NEDD4L: variants seen among roughly 807,000 people sequenced by gnomAD.
NEDD4L encodes the protein E3 ubiquitin-protein ligase NEDD4-like.
A neutral mutation model predicts 148.9 loss-of-function variants in NEDD4L; 54 were observed. The ratio of observed to expected loss-of-function variants is 0.36; its 90% CI spans 0.29 to 0.45. NEDD4L has a LOEUF of 0.45. Among genes scored for constraint, NEDD4L ranks in the 20% least tolerant of loss-of-function variants. The pLI is 1.00. For missense variants in NEDD4L, 856 were observed against 1,233.8 expected, an observed-to-expected ratio of 0.69 and a Z score of 4.59; for synonymous variants, 433 against 440.7, an observed-to-expected ratio of 0.98 and a Z score of 0.22.
intron 2 of NEDD4L, among the ~76,000 whole-genome samples, chr18:58,244,183 G>C (rs1568463364): frequency 6.6e-6 from 1 of 152,154 alleles, no homozygotes; most frequent in Non-Finnish European, 1.5e-5. Context: ...AGGGTTAATA[G>C]TCATAGTATA....
rs572876476 is a variant in NEDD4L at position 58,076,245 on chromosome 18, A to G, written c.48+31537A>G. ...TTAAGCCAGACTGTAGCAGGATGTT[A>G]GTAATTTGAGTTGCATAAACTAATC... On this transcript the variant is annotated intron_variant, in intron 1 of 30. Coordinates refer to ENST00000400345, the MANE Select transcript of NEDD4L (RefSeq NM_001144967.3). 2.9e-4 allele frequency among the ~76,000 whole-genome samples: 44 copies of G among 152,316 alleles called. 1 individual carries two copies. The South Asian group carries it at 9.1e-3, about 32-fold the overall frequency.
chr18:58,310,946 T>C (rs1476666875), intron 5 of NEDD4L, among the ~76,000 whole-genome samples: 1 of 152,222 alleles, frequency 6.6e-6, no homozygotes, highest in Non-Finnish European at 1.5e-5. Context: ...GCTTACATTC[T>C]ATTATTGTCT....
At chr18:58,352,229 ATAAAG>A in intron 18 of NEDD4L, among the ~76,000 whole-genome samples, 1 of 152,368 alleles carries the variant, frequency 6.6e-6, no homozygotes, top group African/African-American at 2.4e-5. Context: ...CATAGTAAGC[ATAAAG>A]TATTTTTCCT....
chr18:58,233,798 T>A (rs910997245), intron 2 of NEDD4L, among the ~76,000 whole-genome samples: 1 of 152,324 alleles, frequency 6.6e-6, no homozygotes, highest in Admixed American at 6.5e-5. Context: ...AGTCTGAAAT[T>A]AAGAGTCAGC....
chr18:58,247,712 G>A (rs1301325499), intron 3 of NEDD4L: 1 of 152,548 alleles, frequency 6.6e-6, no homozygotes, highest in Non-Finnish European at 1.5e-5. Flanking sequence ...CGTTCGTTTT[G>A]TGCTCTCCTG....
intron 8 of NEDD4L, among the ~76,000 whole-genome samples, chr18:58,323,710 A>C (rs915523963): frequency 7.9e-5 from 12 of 152,158 alleles, no homozygotes; most frequent in African/African-American, 2.9e-4. Flanking sequence ...GAATTTAGAA[A>C]ATCACTTTTT....
chr18:58,250,601 C>T (rs1189022939), intron 4 of NEDD4L, among the ~76,000 whole-genome samples: 2 of 152,136 alleles, frequency 1.3e-5, no homozygotes, highest in South Asian at 2.1e-4. Context: ...AGGCAGACCA[C>T]GGACCAGAAG....
At position 58,246,541 on chromosome 18, in the gene NEDD4L, C is replaced by T. The variant is rs138324563; in HGVS notation, c.204+1033C>T. On this transcript the variant is annotated intron_variant, in intron 3 of 30. Coordinates refer to ENST00000400345, the MANE Select transcript of NEDD4L (RefSeq NM_001144967.3). ...GTGCAGTGGCATAATCTCAGCTCAC[C>T]GCAACCTTTGCCTCCTGGGTTCAAG... is the stretch of plus-strand genomic sequence containing the variant. Among the ~76,000 whole-genome samples the T allele has an allele frequency of 3.9e-3, 589 of 152,150 alleles. 2 individuals carry two copies. The highest frequency in any genetic ancestry group is 0.012 in the African/African-American group (507 of 41,518).
chr18:58,091,506 G>T (rs1056517268), intron 1 of NEDD4L: 2 of 152,294 alleles, frequency 1.3e-5, no homozygotes, highest in African/African-American at 4.8e-5. Flanking sequence ...AGTGGCTGCT[G>T]GCAGAATGGT....
chr18:58,115,323 C>T (rs565440423), intron 1 of NEDD4L, among the ~76,000 whole-genome samples: 1 of 149,614 alleles, frequency 6.7e-6, no homozygotes, highest in African/African-American at 2.5e-5. Flanking sequence ...TCTGGGAATC[C>T]ATTGTAGTAA....
chr18:58,365,573 G>A (rs559500321), intron 20 of NEDD4L, among the ~76,000 whole-genome samples: 83 of 152,292 alleles, frequency 5.5e-4, no homozygotes, highest in African/African-American at 1.8e-3. Flanking sequence ...ACCACCTGGC[G>A]GCCCTGCCAC....
intron 1 of NEDD4L, among the ~76,000 whole-genome samples, chr18:58,051,847 T>C (rs1402156095): frequency 1.3e-5 from 2 of 152,186 alleles, no homozygotes; most frequent in African/African-American, 4.8e-5. Flanking sequence ...GTAATAAGTA[T>C]CAGGGCAGGA....
chr18:58,268,415 C>T (rs1041135253), intron 5 of NEDD4L, among the ~76,000 whole-genome samples: 14 of 152,058 alleles, frequency 9.2e-5, no homozygotes, highest in African/African-American at 3.4e-4. Flanking sequence ...GGCCTCCCAT[C>T]AGTGCAGTTT....
chr18:58,321,381 A>G (rs2058756578), intron 6 of NEDD4L, among the ~76,000 whole-genome samples: 1 of 152,212 alleles, frequency 6.6e-6, no homozygotes, highest in Non-Finnish European at 1.5e-5. Flanking sequence ...CATGGGCCCT[A>G]CTGCAGTACA....
At chr18:58,049,877 T>TGG (rs1167675128) in intron 1 of NEDD4L, among the ~76,000 whole-genome samples, 2 of 147,564 alleles carry the variant, frequency 1.4e-5, no homozygotes, top group African/African-American at 5.0e-5. Flanking sequence ...CTTGGGAGGC[T>TGG]GAGGTGGAAG....
At chr18:58,211,786 A>G (rs894672771) in intron 2 of NEDD4L, among the ~76,000 whole-genome samples, 3 of 152,262 alleles carry the variant, frequency 2.0e-5, no homozygotes, top group African/African-American at 7.2e-5. Context: ...TTGATCCAGA[A>G]TTACATAAAT....
At chr18:58,204,908 T>C (rs2041818163) in intron 2 of NEDD4L, among the ~76,000 whole-genome samples, 1 of 152,036 alleles carries the variant, frequency 6.6e-6, no homozygotes, top group Non-Finnish European at 1.5e-5. Flanking sequence ...CAGAGTATGA[T>C]GAAGAAAGGG....
rs549552098 is a variant in NEDD4L at position 58,251,853 on chromosome 18, A to G, written c.244-148A>G. On this transcript the variant is annotated intron_variant, in intron 4 of 30. Transcript: ENST00000400345. ...TAATAGGAAATTTGATTTAGTACACATAGAATTCCCAGAACAGCAGGATAA... is the reference window on the plus strand; with the variant it reads ...TAATAGGAAATTTGATTTAGTACACGTAGAATTCCCAGAACAGCAGGATAA... 178 of 599,962 alleles carry G rather than the reference A, an allele frequency of 3.0e-4. 1 individual carries two copies. The highest frequency in any genetic ancestry group is 5.8e-4 in the South Asian group (26 of 45,154). 37.2% of individuals were successfully genotyped at this position (599,962 alleles called of 1,614,324 possible). A position where few individuals can be genotyped will look rare whatever the true frequency, so the allele number is the denominator to read the frequency against.
chr18:58,201,090 T>C (rs1021536378), intron 2 of NEDD4L, among the ~76,000 whole-genome samples: 1 of 152,244 alleles, frequency 6.6e-6, no homozygotes, highest in East Asian at 1.9e-4. Flanking sequence ...CCCAGCACTT[T>C]GGGAGGCCAA....
Sources: gnomAD v4.1 joint callset for allele counts (sites outside exome capture counted in the v4.1 genomes callset) on GRCh38, gnomAD v4.1.1 for gene constraint, MANE v1.5 for transcripts, NCBI Gene and HGNC (gene_info 2026-07-23, HGNC 2026-07-21) for gene names.